Variants in PLD1 observed in about 807,000 individuals in gnomAD.
PLD1 encodes choline phosphatase 1.
PLD1 carries 112 observed loss-of-function variants against 137.1 expected under a neutral mutation model. That is an observed-to-expected ratio of 0.82 (90% CI 0.70 to 0.96). PLD1 has a LOEUF of 0.96. Among genes scored for constraint, PLD1 ranks in the 40% least tolerant of loss-of-function variants. The pLI is 0.00. For missense variants in PLD1, 1,321 were observed against 1,342.0 expected (o/e 0.98, Z 0.24); for synonymous variants, 431 against 454.7 (o/e 0.95, Z 0.66).
intron 23 of PLD1, among the ~76,000 whole-genome samples, chr3:171,640,435 G>A (rs889528649): frequency 3.3e-5 from 5 of 151,962 alleles, no homozygotes; most frequent in African/African-American, 1.2e-4. Flanking sequence ...TGGTTATTTA[G>A]AAGTATATTG....
At chr3:171,778,975 G>A (rs1722685631) in intron 1 of PLD1, among the ~76,000 whole-genome samples, 1 of 152,122 alleles carries the variant, frequency 6.6e-6, no homozygotes, top group Non-Finnish European at 1.5e-5. Context: ...ATCACTTGAG[G>A]TCAGGAGTTC....
chr3:171,773,893 C>T (rs1035396904), intron 1 of PLD1, among the ~76,000 whole-genome samples: 2 of 151,862 alleles, frequency 1.3e-5, no homozygotes, highest in African/African-American at 2.4e-5. Flanking sequence ...GGACTACAGG[C>T]GCCCGCCACC....
intron 11 of PLD1, among the ~76,000 whole-genome samples, chr3:171,707,526 T>C (rs1336439881): frequency 6.6e-6 from 1 of 152,162 alleles, no homozygotes; most frequent in African/African-American, 2.4e-5. Flanking sequence ...AGTAACTGAC[T>C]GAAAAGACAA....
At chr3:171,647,062 ACT>A (rs1173414003) in intron 21 of PLD1, among the ~76,000 whole-genome samples, 1 of 152,006 alleles carries the variant, frequency 6.6e-6, no homozygotes, top group Non-Finnish European at 1.5e-5. Context: ...TCTGTTCTGC[ACT>A]CTTTCTGCTT....
At chr3:171,780,541 CA>C (rs71178237) in intron 1 of PLD1, among the ~76,000 whole-genome samples, 56,916 of 150,194 alleles carry the variant, frequency 0.38, 11,118 homozygotes, top group Middle Eastern at 0.62. Flanking sequence ...TAAAGGGGGC[CA>C]AAAAAAAAAA....
At chr3:171,774,777 CAG>C in intron 1 of PLD1, among the ~76,000 whole-genome samples, 1 of 152,226 alleles carries the variant, frequency 6.6e-6, no homozygotes, top group Non-Finnish European at 1.5e-5. Flanking sequence ...ATGCCATTCA[CAG>C]AGTTAGGGAC....
At chr3:171,778,568 G>C (rs1722666697) in intron 1 of PLD1, among the ~76,000 whole-genome samples, 1 of 152,200 alleles carries the variant, frequency 6.6e-6, no homozygotes, top group Non-Finnish European at 1.5e-5. Context: ...GCAGAGACCT[G>C]AACGAAGTGA....
At chr3:171,786,521 G>C (rs1278801306) in intron 1 of PLD1, among the ~76,000 whole-genome samples, 2 of 152,118 alleles carry the variant, frequency 1.3e-5, no homozygotes, top group African/African-American at 4.8e-5. Context: ...CAAAGTATTA[G>C]AATTATTCTA....
At position 171,618,858 on chromosome 3, in the gene PLD1, C is replaced by CGTGTGTGTGT. The variant is rs139135798; in HGVS notation, c.2728+1518_2728+1527dup. Among the ~76,000 whole-genome samples, 111 of 135,598 alleles carry CGTGTGTGTGT rather than the reference C, an allele frequency of 8.2e-4. 2 individuals are homozygous for CGTGTGTGTGT. In the Middle Eastern group the frequency reaches 0.013, roughly 16 times the overall value. The allele number at this position is 135,598 out of a possible 152,430, so 89.0% of individuals were successfully genotyped here. On this transcript the variant is annotated intron_variant, in intron 24 of 26. Coordinates refer to ENST00000351298, the MANE Select transcript of PLD1 (RefSeq NM_002662.5). ...TATACAAATATTAAAAGTGTGTGTG[C>CGTGTGTGTGT]GTGTGTGTGTGTGTGTGTGTATGTA... is the stretch of plus-strand genomic sequence containing the variant.
At chr3:171,746,336 G>T (rs146730080) in intron 1 of PLD1, among the ~76,000 whole-genome samples, 1 of 152,252 alleles carries the variant, frequency 6.6e-6, no homozygotes, top group Non-Finnish European at 1.5e-5. Flanking sequence ...AGCCAGCTGG[G>T]CTCCTAAGTT....
intron 1 of PLD1, among the ~76,000 whole-genome samples, chr3:171,769,678 A>G (rs912789967): frequency 6.6e-6 from 1 of 152,206 alleles, no homozygotes; most frequent in African/African-American, 2.4e-5. Context: ...CAGCCATAAC[A>G]TTGTAACTTC....
chr3:171,680,970 C>G (rs1713913646), intron 16 of PLD1, among the ~76,000 whole-genome samples: 1 of 152,302 alleles, frequency 6.6e-6, no homozygotes, highest in Non-Finnish European at 1.5e-5. Flanking sequence ...CTCCCTGCCC[C>G]TAGGGATTTT....
At chr3:171,683,199 G>A (rs888126585) in intron 16 of PLD1, among the ~76,000 whole-genome samples, 5 of 152,028 alleles carry the variant, frequency 3.3e-5, no homozygotes, top group South Asian at 4.1e-4. Flanking sequence ...CTAGTTCATC[G>A]GCAAATGCTG....
chr3:171,714,946 A>G (rs1717559513), intron 8 of PLD1, among the ~76,000 whole-genome samples: 1 of 152,220 alleles, frequency 6.6e-6, no homozygotes, highest in Admixed American at 6.5e-5. Context: ...ATGTGGGTGT[A>G]AGCTTCCTAG....
intron 21 of PLD1, among the ~76,000 whole-genome samples, chr3:171,648,241 G>A (rs745323267): frequency 6.6e-6 from 1 of 151,910 alleles, no homozygotes; most frequent in Non-Finnish European, 1.5e-5. Flanking sequence ...GCTGGGTCAT[G>A]TGGTCATTCT....
intron 1 of PLD1, among the ~76,000 whole-genome samples, chr3:171,748,696 A>G (rs1720442716): frequency 6.6e-6 from 1 of 151,840 alleles, no homozygotes; most frequent in South Asian, 2.1e-4. Context: ...GTACAGTACC[A>G]TGGTAGATAT....
At chr3:171,683,587 T>C (rs2108500341) in intron 16 of PLD1, among the ~76,000 whole-genome samples, 1 of 152,336 alleles carries the variant, frequency 6.6e-6, no homozygotes, top group South Asian at 2.1e-4. Context: ...AGCTGAAAAC[T>C]AACCTCATGA....
chr3:171,612,883 A>C lies in PLD1; in HGVS notation c.2729-451T>G, dbSNP rs1732781675. On this transcript the variant is annotated intron_variant, in intron 24 of 26. Transcript: ENST00000351298. This position sits in a 1 kb window ranked among gnomAD's most constrained non-coding sequence, Gnocchi z 4.1. Reference sequence around the variant, plus strand: ...CTTAAAGAAAATGCTAAGTAGAAAAAAGAGCCAGGCATGGTGGCTCATGTC... The same window carrying C: ...CTTAAAGAAAATGCTAAGTAGAAAACAGAGCCAGGCATGGTGGCTCATGTC... Among the ~76,000 whole-genome samples, 1 of 152,196 alleles carries C rather than the reference A, an allele frequency of 6.6e-6. No homozygotes were observed. Among genetic ancestry groups the C allele is most frequent in the Non-Finnish European group, 1.5e-5 (1 of 68,032 alleles).
intron 8 of PLD1, among the ~76,000 whole-genome samples, chr3:171,716,025 G>T (rs921215786): frequency 6.6e-6 from 1 of 151,260 alleles, no homozygotes; most frequent in African/African-American, 2.4e-5. Context: ...GTGGTATTGG[G>T]TTTCCTGTTC....
Sources: gnomAD v4.1 joint callset for allele counts (sites outside exome capture counted in the v4.1 genomes callset) on GRCh38, gnomAD v4.1.1 for gene constraint, Gnocchi (gnomAD v3.1) non-coding constraint, MANE v1.5 for transcripts, NCBI Gene and HGNC (gene_info 2026-07-23, HGNC 2026-07-21) for gene names.